The following SHCBP1L variants were observed in gnomAD, a reference collection of about 807,000 sequenced individuals.
The protein encoded by SHCBP1L is testicular spindle-associated protein SHCBP1L.
Under a neutral mutation model 62.5 loss-of-function variants are expected in SHCBP1L, and 67 were observed. The observed-to-expected ratio is 1.07, with a 90% confidence interval of 0.88 to 1.31. The LOEUF (loss-of-function observed/expected upper bound fraction) is 1.31, where lower values mean the gene tolerates loss of function less well. Among genes scored for constraint, SHCBP1L ranks in the 40% most tolerant of loss-of-function variants. SHCBP1L has a pLI of 0.00. For synonymous variants in SHCBP1L, 284 were observed against 289.4 expected, an observed-to-expected ratio of 0.98 and a Z score of 0.19; for missense variants, 823 against 809.8, an observed-to-expected ratio of 1.02 and a Z score of -0.20.
At chr1:182,947,617 C>T (rs901450783) in intron 2 of SHCBP1L, among the ~76,000 whole-genome samples, 5 of 152,218 alleles carry the variant, frequency 3.3e-5, no homozygotes, top group Non-Finnish European at 7.3e-5. Flanking sequence ...AACTCCTCTT[C>T]TTCCTCTTCC....
rs2101965910 is a variant in SHCBP1L, at chr1:182,953,087, G to T, written c.47C>A (p.Thr16Asn). The T allele has an allele frequency of 6.4e-7, 1 of 1,566,396 alleles. No individual in the cohort carries two copies. Among genetic ancestry groups the T allele is most frequent in the East Asian group, 2.3e-5 (1 of 43,184 alleles). Residue 16 changes from threonine (T) to asparagine (N), a missense_variant, in exon 1 of 10, where the codon ACC (threonine) becomes AAC (asparagine). By Grantham distance (65) the Thr-to-Asn change is moderately conservative. Transcript: ENST00000367547. ...KASVPADSFR[T>N]ISPDRRGEKS... The stretch of plus-strand genomic sequence containing the variant: ...CTCGCCTCGCCTGTCCGGGCTGATG[G>T]TGCGGAATGAGTCCGCGGGCACCGA...
chr1:182,953,096 G>C lies in SHCBP1L; in HGVS notation c.38C>G (p.Ser13Ter), dbSNP rs1210844837. The C allele has an allele frequency of 6.4e-7, 1 of 1,570,670 alleles. No homozygotes were observed. The highest frequency in any genetic ancestry group is 1.8e-5 in the Admixed American group (1 of 56,374). The change falls in exon 1 of 10, where the codon TCA (serine) becomes TGA (stop). Residue 13 changes from serine (S) to a stop codon, truncating the protein, a stop_gained. Transcript: ENST00000367547. LOFTEE classifies it high-confidence loss of function. ...SGSKASVPAD[S>*]FRTISPDRRG... ...CCTGTCCGGGCTGATGGTGCGGAAT[G>C]AGTCCGCGGGCACCGAGGCCTTGGA... is the stretch of plus-strand genomic sequence containing the variant.
At position 182,900,165 on chromosome 1, in the gene SHCBP1L, TGCTTACTCCATA is replaced by T. The variant is rs747154769; in HGVS notation, c.1768_1779del (p.Tyr590_Ser593del). 1.2e-6 allele frequency: 2 copies of T among 1,612,478 alleles called. No homozygotes were observed. The highest frequency in any genetic ancestry group is 3.3e-5 in the Admixed American group (2 of 59,926). On this transcript the variant is annotated inframe_deletion, in exon 10 of 10. Coordinates refer to ENST00000367547, the MANE Select transcript of SHCBP1L (RefSeq NM_030933.4). ...AAAAACTGTTCCATTGGTTGAAGAA[TGCTTACTCCATA>T]GCCTTTGTTGCTATAAATATGATTA...
At position 182,940,407 on chromosome 1, in the gene SHCBP1L, A is replaced by G. The variant is rs1397878742; in HGVS notation, c.692T>C (p.Val231Ala). ...DEILEELEHS[V>A]PLLEVYPVEG... ...AACAGGATACACTTCCAAAAGAGGC[A>G]CACTGTGTTCCAGTTCCTCCAAAAT... The change falls in exon 3 of 10, where the codon GTG becomes GCG. Residue 231 changes from valine (V) to alanine (A), a missense_variant. Transcript: ENST00000367547. The G allele has an allele frequency of 6.2e-7, 1 of 1,614,028 alleles. No homozygotes were observed. Among genetic ancestry groups the G allele is most frequent in the Non-Finnish European group, 8.5e-7 (1 of 1,179,960 alleles).
chr1:182,934,053 T>C (rs1199587927), intron 5 of SHCBP1L, among the ~76,000 whole-genome samples: 1 of 152,138 alleles, frequency 6.6e-6, no homozygotes, highest in Non-Finnish European at 1.5e-5. Flanking sequence ...TTGAATCATT[T>C]TTGGTAGATT....
rs1312097262 is a variant in SHCBP1L at position 182,904,375 on chromosome 1, A to G, written c.1392T>C (p.Phe464=). Residue 464 remains phenylalanine (F), a synonymous_variant, in exon 8 of 10, where the codon TTT becomes TTC. Transcript: ENST00000367547. The part of the protein sequence containing the change: ...MITSEPSRDS[F]VVSKADNVKL... Reference sequence around the variant, plus strand: ...TCACATTGTCAGCTTTGGACACCACAAAACTGTCACGAGAAGGTTCAGAAG... The same window carrying G: ...TCACATTGTCAGCTTTGGACACCACGAAACTGTCACGAGAAGGTTCAGAAG... The G allele has an allele frequency of 1.2e-6, 2 of 1,614,084 alleles. No homozygotes were observed. Among genetic ancestry groups the G allele is most frequent in the Non-Finnish European group, 1.7e-6 (2 of 1,180,040 alleles).
chr1:182,920,965 A>G (rs914046791), intron 6 of SHCBP1L, among the ~76,000 whole-genome samples: 10 of 152,230 alleles, frequency 6.6e-5, no homozygotes, highest in Non-Finnish European at 1.2e-4. Context: ...AGGATACTGT[A>G]CACTAAAAAT....
chr1:182,948,360 A>C (rs1482424592), intron 2 of SHCBP1L, among the ~76,000 whole-genome samples: 1 of 152,248 alleles, frequency 6.6e-6, no homozygotes, highest in African/African-American at 2.4e-5. Context: ...AGACATTGAG[A>C]TGTGGAGGTC....
chr1:182,947,046 C>T lies in SHCBP1L; in HGVS notation c.555+4272G>A, dbSNP rs1408141340. Among the ~76,000 whole-genome samples the T allele has an allele frequency of 4.0e-5, 6 of 151,830 alleles. No homozygotes were observed. The East Asian group carries it at 9.7e-4, about 24-fold the overall frequency. On this transcript the variant is annotated intron_variant, in intron 2 of 9. Transcript: ENST00000367547. ...GAGGTCAAGAGTTCGAGACCAGCCT[C>T]GGCAACATGGTGAAACCTCGTCTCT...
At chr1:182,952,406 A>G (rs919607615) in intron 1 of SHCBP1L, 3 of 264,980 alleles carry the variant, frequency 1.1e-5, no homozygotes, top group East Asian at 7.6e-5. Context: ...ACTGTTAAAT[A>G]AAGGTACCAA....
intron 2 of SHCBP1L, among the ~76,000 whole-genome samples, chr1:182,947,286 C>A (rs1333157288): frequency 1.3e-5 from 2 of 149,648 alleles, no homozygotes; most frequent in African/African-American, 2.5e-5. Flanking sequence ...ACACCTAAAT[C>A]TTTTTCTGCA....
At chr1:182,905,856 T>G (rs1476892507) in intron 6 of SHCBP1L, among the ~76,000 whole-genome samples, 1 of 152,232 alleles carries the variant, frequency 6.6e-6, no homozygotes, top group African/African-American at 2.4e-5. Context: ...TTATAACTAT[T>G]AAATACTGGG....
intron 5 of SHCBP1L, among the ~76,000 whole-genome samples, chr1:182,930,987 A>G (rs1650981148): frequency 6.7e-6 from 1 of 149,610 alleles, no homozygotes; most frequent in South Asian, 2.1e-4. Flanking sequence ...TGGCCTCCCC[A>G]AGTGCTAGGA....
chr1:182,923,147 C>T (rs1425587425), intron 6 of SHCBP1L, among the ~76,000 whole-genome samples: 1 of 152,126 alleles, frequency 6.6e-6, no homozygotes, highest in African/African-American at 2.4e-5. Context: ...TGGATGAATT[C>T]CTGCAAACAC....
intron 6 of SHCBP1L, among the ~76,000 whole-genome samples, chr1:182,926,024 G>T (rs1387073921): frequency 3.3e-5 from 5 of 152,178 alleles, no homozygotes; most frequent in Admixed American, 3.3e-4. Context: ...AGAGACAGCA[G>T]ATTGTTGGTT....
chr1:182,934,952 A>G (rs1381197774), intron 5 of SHCBP1L, among the ~76,000 whole-genome samples: 1 of 152,108 alleles, frequency 6.6e-6, no homozygotes, highest in African/African-American at 2.4e-5. Context: ...CCCTTTGTCA[A>G]GTCAGTCTAC....
At chr1:182,910,624 A>G (rs1650148262) in intron 6 of SHCBP1L, among the ~76,000 whole-genome samples, 1 of 152,210 alleles carries the variant, frequency 6.6e-6, no homozygotes, top group Non-Finnish European at 1.5e-5. Context: ...CTTGAAAGGA[A>G]TCAGGGCTTC....
Position 182,900,232 on chromosome 1 carries a change from A to G in SHCBP1L, c.1713T>C (p.Val571=), listed in dbSNP as rs752816389. Residue 571 remains valine (V), a splice_region_variant and synonymous_variant, in exon 10 of 10, where the codon GTT becomes GTC. Coordinates refer to ENST00000367547, the MANE Select transcript of SHCBP1L (RefSeq NM_030933.4). Reference sequence around the variant, plus strand: ...TCATCTTCAATTTGGGTGCTGGAAGAACCTATTAAATTATTTGAGGAAATT... The same window carrying G: ...TCATCTTCAATTTGGGTGCTGGAAGGACCTATTAAATTATTTGAGGAAATT... ...KSTLGGVNMK[V]LPAPKLKMTN... 3.9e-6 allele frequency: 6 copies of G among 1,547,012 alleles called. No homozygotes were observed. In the Admixed American group the frequency reaches 6.3e-5, roughly 16 times the overall value.
Position 182,940,359 on chromosome 1 carries a change from T to C in SHCBP1L, c.740A>G (p.His247Arg), listed in dbSNP as rs1362594630. The change falls in exon 3 of 10, where the codon CAT becomes CGT. Residue 247 changes from histidine (H) to arginine (R), a missense_variant. Coordinates refer to ENST00000367547, the MANE Select transcript of SHCBP1L (RefSeq NM_030933.4). ...YPVEGQDTDI[H>R]VIALALEVVR... is the part of the protein sequence containing the mutation. ...AACTTCCAAGGCCAAAGCAATAACA[T>C]GTATATCAGTATCTTGTCCCTCAAC... 1.2e-6 allele frequency: 2 copies of C among 1,613,958 alleles called. No homozygotes were observed. The highest frequency in any genetic ancestry group is 1.1e-5 in the South Asian group (1 of 91,076).
Sources: allele counts gnomAD v4.1 joint callset (sites outside exome capture counted in the v4.1 genomes callset), GRCh38; gene constraint gnomAD v4.1.1; transcripts MANE v1.5; gene names NCBI Gene and HGNC (gene_info 2026-07-23, HGNC 2026-07-21).